POLDIP3: variants seen among roughly 807,000 people sequenced by gnomAD.
POLDIP3 encodes polymerase delta-interacting protein 3.
In POLDIP3, 14 loss-of-function variants were observed where a neutral mutation model predicts 45.1. The observed-to-expected ratio is 0.31, with a 90% confidence interval of 0.20 to 0.49. The LOEUF is 0.49. POLDIP3 is among the 20% of genes least tolerant of loss of function. The pLI, the probability that POLDIP3 is intolerant of heterozygous loss-of-function variation, is 0.99. For missense variants in POLDIP3, 511 were observed against 538.8 expected (o/e 0.95, Z 0.51); for synonymous variants, 223 against 205.2 (o/e 1.09, Z -0.74).
At chr22:42,590,502 C>T (rs1925596221) in intron 7 of POLDIP3, among the ~76,000 whole-genome samples, 1 of 151,886 alleles carries the variant, frequency 6.6e-6, no homozygotes, top group African/African-American at 2.4e-5. Flanking sequence ...TGTTACTCTA[C>T]TGAGTAGAGT....
intron 3 of POLDIP3, among the ~76,000 whole-genome samples, chr22:42,600,789 G>C (rs1926314385): frequency 6.6e-6 from 1 of 152,120 alleles, no homozygotes; most frequent in African/African-American, 2.4e-5. Context: ...GACCAACATG[G>C]AGAAACACCG....
chr22:42,597,357 C>A (rs1926057084), intron 4 of POLDIP3, among the ~76,000 whole-genome samples: 1 of 152,200 alleles, frequency 6.6e-6, no homozygotes. Flanking sequence ...TCACCACGCT[C>A]CTCCAAGTCT....
chr22:42,614,431 G>A (rs1417816543), intron 1 of POLDIP3, among the ~76,000 whole-genome samples: 1 of 152,194 alleles, frequency 6.6e-6, no homozygotes, highest in Non-Finnish European at 1.5e-5. Flanking sequence ...TGGAGACCAG[G>A]CAGCGCCGAG....
chr22:42,594,345 T>C (rs1007805237), intron 6 of POLDIP3, among the ~76,000 whole-genome samples: 1 of 151,884 alleles, frequency 6.6e-6, no homozygotes, highest in African/African-American at 2.4e-5. Context: ...ACCCTGCCTC[T>C]ACTGAAAATA....
At chr22:42,593,541 A>G (rs901151529) in intron 6 of POLDIP3, among the ~76,000 whole-genome samples, 70 of 152,100 alleles carry the variant, frequency 4.6e-4, no homozygotes, top group African/African-American at 1.6e-3. Context: ...TTTTTTTGAG[A>G]GAGTCTCACT....
At chr22:42,594,870 C>T (rs1331695722) in intron 6 of POLDIP3, among the ~76,000 whole-genome samples, 1 of 152,200 alleles carries the variant, frequency 6.6e-6, no homozygotes, top group African/African-American at 2.4e-5. Flanking sequence ...CAGGAAAACA[C>T]AACTATTGGA....
chr22:42,611,792 G>T (rs1008319618), intron 1 of POLDIP3, among the ~76,000 whole-genome samples: 5 of 151,940 alleles, frequency 3.3e-5, no homozygotes, highest in Non-Finnish European at 4.4e-5. Context: ...CAGGAGAATC[G>T]CTTGAACCTG....
chr22:42,594,697 T>C (rs997230995), intron 6 of POLDIP3, among the ~76,000 whole-genome samples: 1 of 152,148 alleles, frequency 6.6e-6, no homozygotes. Flanking sequence ...GAAAATGATG[T>C]TGAAAAGAAG....
At chr22:42,607,750 C>T (rs980070543) in intron 1 of POLDIP3, among the ~76,000 whole-genome samples, 36 of 152,008 alleles carry the variant, frequency 2.4e-4, no homozygotes, top group African/African-American at 8.7e-4. Flanking sequence ...AGCGCCTCTG[C>T]CCGGCCGCGA....
At position 42,614,698 on chromosome 22, in the gene POLDIP3, C is replaced by T. The variant is rs1005493586; in HGVS notation, c.59+101G>A. ...GAGCGCGGCTGTGGTCGGGGGCGGGCGCACCCGGTCCTCCGCGTCGCTCCC... is the reference window on the plus strand; with the variant it reads ...GAGCGCGGCTGTGGTCGGGGGCGGGTGCACCCGGTCCTCCGCGTCGCTCCC... On this transcript the variant is annotated intron_variant, in intron 1 of 8. Coordinates refer to ENST00000252115, the MANE Select transcript of POLDIP3 (RefSeq NM_032311.5). The T allele has an allele frequency of 6.5e-5, 86 of 1,322,748 alleles. 2 individuals are homozygous for T. Among genetic ancestry groups the T allele is most frequent in the South Asian group, 6.3e-4 (53 of 83,766 alleles). The allele number at this position is 1,322,748 out of a possible 1,614,324, so 81.9% of individuals were successfully genotyped here.
intron 2 of POLDIP3, among the ~76,000 whole-genome samples, chr22:42,602,435 G>C (rs1926451677): frequency 6.6e-6 from 1 of 152,204 alleles, no homozygotes; most frequent in South Asian, 2.1e-4. Flanking sequence ...AGTGAGGACT[G>C]TAAGGTCACA....
chr22:42,614,004 T>C (rs1285787205), intron 1 of POLDIP3, among the ~76,000 whole-genome samples: 1 of 152,156 alleles, frequency 6.6e-6, no homozygotes, highest in Admixed American at 6.6e-5. Flanking sequence ...ATCACCTCCA[T>C]GGCTCCTCAG....
At chr22:42,611,582 C>A (rs1927121037) in intron 1 of POLDIP3, among the ~76,000 whole-genome samples, 1 of 152,196 alleles carries the variant, frequency 6.6e-6, no homozygotes, top group East Asian at 1.9e-4. Context: ...TACGCAGATT[C>A]TTCTAGGCAG....
intron 1 of POLDIP3, among the ~76,000 whole-genome samples, chr22:42,614,556 G>C (rs1161336322): frequency 6.6e-6 from 1 of 152,148 alleles, no homozygotes; most frequent in Non-Finnish European, 1.5e-5. Flanking sequence ...TCCACGAGGC[G>C]GCACCCTGTC....
intron 1 of POLDIP3, among the ~76,000 whole-genome samples, chr22:42,613,865 CTT>C (rs1291533345): frequency 1.3e-5 from 2 of 152,224 alleles, no homozygotes; most frequent in Non-Finnish European, 2.9e-5. Flanking sequence ...GACATTTAAA[CTT>C]AATGTGTGTT....
intron 7 of POLDIP3, among the ~76,000 whole-genome samples, chr22:42,588,829 T>G (rs1290637935): frequency 6.6e-6 from 1 of 152,130 alleles, no homozygotes; most frequent in Non-Finnish European, 1.5e-5. Flanking sequence ...GGTTTCCTCA[T>G]ATTGGTCAAG....
chr22:42,613,032 C>A (rs1362810134), intron 1 of POLDIP3, among the ~76,000 whole-genome samples: 1 of 152,170 alleles, frequency 6.6e-6, no homozygotes, highest in Non-Finnish European at 1.5e-5. Flanking sequence ...GCCCCACCTA[C>A]TGCCCAACAC....
At chr22:42,599,835 T>C (rs758607514) in intron 3 of POLDIP3, 42 bp from the exon 4 acceptor site, 27 of 1,442,964 alleles carry the variant, frequency 1.9e-5, no homozygotes, top group Non-Finnish European at 2.3e-5. Context: ...ATGTGGCATC[T>C]GGGCCCTCAA....
At position 42,602,998 on chromosome 22, in the gene POLDIP3, G is replaced by A. The variant is rs753413779; in HGVS notation, c.222C>T (p.Ala74=). The A allele has an allele frequency of 1.2e-6, 2 of 1,614,044 alleles. No individual in the cohort carries two copies. The highest frequency in any genetic ancestry group is 1.7e-6 in the Non-Finnish European group (2 of 1,180,002). The stretch of plus-strand genomic sequence containing the variant: ...CATCTTTCTGCAAAAGCTTCTCCCG[G>A]GCATCCTTGACTCCCAGTTTGAGCC... ...DARLKLGVKD[A]REKLLQKDAR... The change falls in exon 2 of 9, where the codon GCC becomes GCT. Residue 74 remains alanine (A), a synonymous_variant. Transcript: ENST00000252115.
Sources: gnomAD v4.1 joint callset for allele counts (sites outside exome capture counted in the v4.1 genomes callset) on GRCh38, gnomAD v4.1.1 for gene constraint, MANE v1.5 for transcripts, NCBI Gene and HGNC (gene_info 2026-07-23, HGNC 2026-07-21) for gene names.